SNTG1: variants seen among roughly 807,000 people sequenced by gnomAD.
The protein encoded by SNTG1 is syntrophin gamma 1, also known as gamma-1-syntrophin.
Under a neutral mutation model 74.7 loss-of-function variants are expected in SNTG1, and 39 were observed. The ratio of observed to expected loss-of-function variants is 0.52; its 90% CI spans 0.40 to 0.68. The LOEUF is 0.68. Ranked by LOEUF, SNTG1 falls within the 30% of genes least tolerant of loss-of-function variation. The pLI is 0.00. For synonymous variants in SNTG1, 254 were observed against 217.1 expected, an observed-to-expected ratio of 1.17 and a Z score of -1.49; for missense variants, 685 against 609.5, an observed-to-expected ratio of 1.12 and a Z score of -1.30.
chr8:50,147,265 A>G (rs1171427783), intron 1 of SNTG1, among the ~76,000 whole-genome samples: 2 of 152,224 alleles, frequency 1.3e-5, no homozygotes, highest in Admixed American at 6.5e-5. Context: ...TGGAACGCAG[A>G]CTGTGAAAAA....
intron 1 of SNTG1, among the ~76,000 whole-genome samples, chr8:50,041,559 TA>T (rs1484737193): frequency 8.5e-5 from 13 of 152,190 alleles, no homozygotes; most frequent in Admixed American, 5.9e-4. Flanking sequence ...CGATTGTAAA[TA>T]TTTTTTTTCT....
At chr8:50,116,278 C>CT (rs1047135090) in intron 1 of SNTG1, among the ~76,000 whole-genome samples, 6 of 152,074 alleles carry the variant, frequency 3.9e-5, no homozygotes, top group Non-Finnish European at 7.4e-5. Context: ...TTCCAAATGC[C>CT]TTTTTTTCTA....
intron 2 of SNTG1, among the ~76,000 whole-genome samples, chr8:50,231,612 A>C (rs2085630707): frequency 6.6e-6 from 1 of 151,514 alleles, no homozygotes; most frequent in South Asian, 2.1e-4. Context: ...TAAATTAAAT[A>C]AGCCAGAAAC....
intron 15 of SNTG1, among the ~76,000 whole-genome samples, chr8:50,666,368 C>T (rs776645537): frequency 1.6e-4 from 25 of 152,034 alleles, no homozygotes; most frequent in Non-Finnish European, 3.4e-4. Flanking sequence ...ATGAATGAAG[C>T]CCAAGGACTA....
At chr8:50,414,647 T>C (rs2092991887) in intron 4 of SNTG1, among the ~76,000 whole-genome samples, 1 of 152,154 alleles carries the variant, frequency 6.6e-6, no homozygotes, top group East Asian at 1.9e-4. Flanking sequence ...TTTTTATTTA[T>C]TTTATTCATC....
At chr8:50,779,092 T>A (rs2095650309) in intron 18 of SNTG1, among the ~76,000 whole-genome samples, 2 of 152,124 alleles carry the variant, frequency 1.3e-5, no homozygotes, top group African/African-American at 4.8e-5. Context: ...ACCATGCTGT[T>A]TTGGTTACTG....
At chr8:50,761,850 C>A (rs2095599895) in intron 18 of SNTG1, among the ~76,000 whole-genome samples, 1 of 151,866 alleles carries the variant, frequency 6.6e-6, no homozygotes, top group Non-Finnish European at 1.5e-5. Context: ...TAACTTACTA[C>A]TATTTTAAAA....
intron 13 of SNTG1, among the ~76,000 whole-genome samples, chr8:50,637,511 C>T (rs1412144337): frequency 6.6e-6 from 1 of 152,020 alleles, no homozygotes; most frequent in Non-Finnish European, 1.5e-5. Context: ...TACCCAAGGT[C>T]ATAAGGCACA....
At chr8:50,395,407 T>C (rs1179161383) in intron 3 of SNTG1, among the ~76,000 whole-genome samples, 1 of 152,104 alleles carries the variant, frequency 6.6e-6, no homozygotes, top group Non-Finnish European at 1.5e-5. Flanking sequence ...GTGTACATTA[T>C]TCATCTTTTT....
intron 1 of SNTG1, among the ~76,000 whole-genome samples, chr8:49,961,586 T>C (rs1042642320): frequency 6.6e-6 from 1 of 152,258 alleles, no homozygotes; most frequent in East Asian, 1.9e-4. Flanking sequence ...TGAGTATTTC[T>C]ACATCACTGC....
In SNTG1 at chr8:49,993,974, T is replaced by G. The variant is rs571367226; in HGVS notation, c.-103+81743T>G. Among the ~76,000 whole-genome samples, 64 of 152,274 alleles carry G rather than the reference T, an allele frequency of 4.2e-4. 1 individual carries two copies. Among genetic ancestry groups the G allele is most frequent in the Admixed American group, 8.5e-4 (13 of 15,296 alleles). On this transcript the variant is annotated intron_variant, in intron 1 of 18. Coordinates refer to ENST00000642720, the MANE Select transcript of SNTG1 (RefSeq NM_018967.5). ...AAACATATGGGGAAAGTTCTCTTCC[T>G]CTCAAATCCTTTCTACCCTCTACCT...
intron 1 of SNTG1, among the ~76,000 whole-genome samples, chr8:50,137,397 T>G (rs1304380859): frequency 1.3e-5 from 2 of 152,156 alleles, no homozygotes; most frequent in African/African-American, 4.8e-5. Flanking sequence ...GTAGTCAACT[T>G]TCCATCTTTC....
rs2094589202 is a variant in SNTG1 at position 50,578,437 on chromosome 8, GAC to G, written c.811-12440_811-12439del. ...GATGAGAGAGAAAGAGAGAGAGAGA[GAC>G]AGCAAGAGCAAGGGAGGGTGGGAGG... On this transcript the variant is annotated intron_variant, in intron 12 of 18. Coordinates refer to ENST00000642720, the MANE Select transcript of SNTG1 (RefSeq NM_018967.5). 2.1e-5 allele frequency among the ~76,000 whole-genome samples: 3 copies of G among 141,168 alleles called. No homozygotes were observed. The South Asian group carries it at 6.8e-4, about 32-fold the overall frequency. 92.6% of individuals were successfully genotyped at this position (141,168 alleles called of 152,430 possible).
chr8:50,308,620 T>C (rs1173410257), intron 2 of SNTG1, among the ~76,000 whole-genome samples: 1 of 152,202 alleles, frequency 6.6e-6, no homozygotes. Context: ...TTCCAAGTTA[T>C]ATTAAATATA....
intron 4 of SNTG1, among the ~76,000 whole-genome samples, chr8:50,411,998 G>A (rs1287332285): frequency 6.6e-6 from 1 of 152,154 alleles, no homozygotes; most frequent in African/African-American, 2.4e-5. Context: ...GGAGGTGTTG[G>A]TGTTGTTATT....
chr8:50,138,669 A>G (rs1017559079), intron 1 of SNTG1, among the ~76,000 whole-genome samples: 2 of 143,444 alleles, frequency 1.4e-5, no homozygotes, highest in African/African-American at 5.3e-5. Context: ...AATAATAATA[A>G]TTCCTTGAAA....
intron 1 of SNTG1, among the ~76,000 whole-genome samples, chr8:50,033,360 G>C (rs550806409): frequency 8.5e-5 from 13 of 152,088 alleles, no homozygotes; most frequent in Non-Finnish European, 1.9e-4. Flanking sequence ...GCAACCTCAG[G>C]TGATCTGCCT....
At chr8:50,517,551 A>G (rs1286500237) in intron 9 of SNTG1, among the ~76,000 whole-genome samples, 1 of 148,210 alleles carries the variant, frequency 6.7e-6, no homozygotes, top group South Asian at 2.2e-4. Flanking sequence ...GACCTATCTC[A>G]TGTGCAAAGA....
chr8:50,128,751 G>A (rs1238186694), intron 1 of SNTG1, among the ~76,000 whole-genome samples: 5 of 152,070 alleles, frequency 3.3e-5, no homozygotes, highest in Admixed American at 6.6e-5. Context: ...CTTGCAGTTA[G>A]TTTCATAAAT....
Sources: allele counts gnomAD v4.1 joint callset (sites outside exome capture counted in the v4.1 genomes callset), GRCh38; gene constraint gnomAD v4.1.1; transcripts MANE v1.5; gene names NCBI Gene and HGNC (gene_info 2026-07-23, HGNC 2026-07-21).